VPS41: variants seen among roughly 807,000 people sequenced by gnomAD.
VPS41 encodes the protein VPS41 subunit of HOPS complex.
VPS41 carries 85 observed loss-of-function variants against 130.9 expected under a neutral mutation model. That is an observed-to-expected ratio of 0.65 (90% CI 0.55 to 0.78). The LOEUF is 0.78. VPS41 is among the 30% of genes least tolerant of loss of function. The pLI is 0.00. For synonymous variants in VPS41, 335 were observed against 332.9 expected (o/e 1.01, Z -0.07); for missense variants, 874 against 1,018.7 (o/e 0.86, Z 1.93).
chr7:38,899,423 T>A (rs1787093532), intron 1 of VPS41, among the ~76,000 whole-genome samples: 1 of 152,216 alleles, frequency 6.6e-6, no homozygotes, highest in African/African-American at 2.4e-5. Context: ...ATGATAGCTG[T>A]CCAGAGAGTT....
At chr7:38,781,788 T>C (rs1784358198) in intron 10 of VPS41, among the ~76,000 whole-genome samples, 1 of 152,234 alleles carries the variant, frequency 6.6e-6, no homozygotes, top group South Asian at 2.1e-4. Context: ...TAATTCTTCC[T>C]GAAGCCTGTC....
chr7:38,795,739 C>A (rs1784606588), intron 8 of VPS41, 128 bp from the exon 9 acceptor site: 3 of 790,298 alleles, frequency 3.8e-6, no homozygotes, highest in Middle Eastern at 3.0e-4. Context: ...ACTGAGCATG[C>A]AAGGAAAATG....
In VPS41 at chr7:38,838,044, C is replaced by A. The variant is rs17171470; in HGVS notation, c.247-7716G>T. Among the ~76,000 whole-genome samples the A allele has an allele frequency of 5.6e-3, 850 of 152,172 alleles. 11 individuals carry two copies. Among genetic ancestry groups the A allele is most frequent in the African/African-American group, 0.019 (807 of 41,510 alleles). ...CTGAGTATCATCACTATGCACATTCCATTTCCATAACAGTTCCATAACATT... is the reference window on the plus strand; with the variant it reads ...CTGAGTATCATCACTATGCACATTCAATTTCCATAACAGTTCCATAACATT... On this transcript the variant is annotated intron_variant, in intron 4 of 28. Transcript: ENST00000310301.
chr7:38,754,725 C>T lies in VPS41; in HGVS notation c.1765G>A (p.Asp589Asn), dbSNP rs1217812028. 3 of 1,613,482 alleles carry T rather than the reference C, an allele frequency of 1.9e-6. No individual in the cohort carries two copies. In the Admixed American group the frequency reaches 5.0e-5, roughly 27 times the overall value. Residue 589 changes from aspartate to asparagine, a missense_variant, in exon 21 of 29, where the codon GAC becomes AAC. Physicochemically the swap from Asp to Asn is conservative, Grantham distance 23. Transcript: ENST00000310301. Reference protein sequence around the residue: ...SIKKVVEELEDRPELQHVYLH... With the variant: ...SIKKVVEELENRPELQHVYLH... ...ACCACATGCTGTAGCTCTGGTCTGT[C>T]TTCCAATTCTTCCACTACCTTTTTA...
intron 7 of VPS41, among the ~76,000 whole-genome samples, chr7:38,801,193 C>A (rs754537218): frequency 1.3e-5 from 2 of 152,168 alleles, no homozygotes; most frequent in Non-Finnish European, 2.9e-5. Flanking sequence ...TCCAGGCCAT[C>A]TCAGGATTGA....
chr7:38,789,767 T>G (rs1318717167), intron 10 of VPS41, 34 bp downstream of exon 10: 2 of 1,611,042 alleles, frequency 1.2e-6, no homozygotes, highest in Admixed American at 1.7e-5. Context: ...GAATGAAGTT[T>G]TACATCCACA....
intron 17 of VPS41, among the ~76,000 whole-genome samples, chr7:38,758,719 G>A (rs900424509): frequency 1.3e-5 from 2 of 152,112 alleles, no homozygotes; most frequent in African/African-American, 4.8e-5. Context: ...TTAAAGGGTT[G>A]GAACTTTTCA....
chr7:38,897,067 G>A (rs764161725), intron 2 of VPS41, among the ~76,000 whole-genome samples: 1 of 151,586 alleles, frequency 6.6e-6, no homozygotes, highest in Non-Finnish European at 1.5e-5. Context: ...GGTGGTGGGC[G>A]CCTGTAATCC....
At chr7:38,740,619 T>A (rs1422449302) in intron 25 of VPS41, among the ~76,000 whole-genome samples, 1 of 152,194 alleles carries the variant, frequency 6.6e-6, no homozygotes, top group African/African-American at 2.4e-5. Flanking sequence ...GTAATCTACT[T>A]CTTTGGCTTA....
intron 22 of VPS41, among the ~76,000 whole-genome samples, chr7:38,746,606 A>G (rs1427980196): frequency 6.6e-6 from 1 of 152,112 alleles, no homozygotes; most frequent in Non-Finnish European, 1.5e-5. Context: ...TCCTCTTGTG[A>G]GAAGCTTCAA....
At chr7:38,794,708 A>G (rs977028284) in intron 9 of VPS41, among the ~76,000 whole-genome samples, 2 of 152,216 alleles carry the variant, frequency 1.3e-5, no homozygotes, top group Admixed American at 6.5e-5. Flanking sequence ...TCTGGCCTCA[A>G]AGCCTGAGCT....
intron 2 of VPS41, among the ~76,000 whole-genome samples, chr7:38,870,738 TCAAAAAAAAAA>T (rs1289590243): frequency 7.4e-4 from 51 of 68,498 alleles, no homozygotes; most frequent in African/African-American, 5.1e-3. Flanking sequence ...GACTATATGT[TCAAAAAAAAAA>T]AAAAAAAAAA....
intron 17 of VPS41, among the ~76,000 whole-genome samples, chr7:38,763,192 C>G (rs1783958305): frequency 6.6e-6 from 1 of 152,074 alleles, no homozygotes; most frequent in Non-Finnish European, 1.5e-5. Flanking sequence ...TTTATGAAAT[C>G]TACAAAATAG....
chr7:38,856,370 C>T (rs1489229378), intron 4 of VPS41, among the ~76,000 whole-genome samples: 1 of 152,024 alleles, frequency 6.6e-6, no homozygotes, highest in Non-Finnish European at 1.5e-5. Flanking sequence ...GGGTTAGGAC[C>T]TCAACATATG....
intron 14 of VPS41, among the ~76,000 whole-genome samples, chr7:38,770,334 T>C (rs573149935): frequency 2.0e-5 from 3 of 151,550 alleles, no homozygotes; most frequent in Non-Finnish European, 2.9e-5. Context: ...GGCACCTCTC[T>C]GCCTCTTCAC....
At chr7:38,861,452 G>A (rs952044239) in intron 4 of VPS41, among the ~76,000 whole-genome samples, 1 of 152,170 alleles carries the variant, frequency 6.6e-6, no homozygotes, top group Non-Finnish European at 1.5e-5. Flanking sequence ...GTAGAAGAGG[G>A]AAGGTCAAAA....
In VPS41 at chr7:38,758,462, C is replaced by T. The variant is rs776961087; in HGVS notation, c.1442G>A (p.Arg481Gln). Residue 481 changes from arginine (R) to glutamine (Q), a missense_variant, in exon 18 of 29, where the codon CGA becomes CAA. By Grantham distance (43) the Arg-to-Gln change is conservative. Coordinates refer to ENST00000310301, the MANE Select transcript of VPS41 (RefSeq NM_014396.4). ...ATTATACAGATCTCCAGGCCATTCT[C>T]GGATCAATGTGGCAAAACCCTAACC... ...SDYEGFATLIREWPGDLYNNS... is the reference protein window; with the variant it reads ...SDYEGFATLIQEWPGDLYNNS... The T allele has an allele frequency of 3.7e-6, 6 of 1,612,428 alleles. No homozygotes were observed. The highest frequency in any genetic ancestry group is 4.5e-5 in the East Asian group (2 of 44,818).
At chr7:38,882,270 G>C (rs985381208) in intron 2 of VPS41, among the ~76,000 whole-genome samples, 14 of 152,156 alleles carry the variant, frequency 9.2e-5, no homozygotes, top group Non-Finnish European at 1.9e-4. Flanking sequence ...TTCATCCAGA[G>C]ACGGGATCCT....
intron 1 of VPS41, among the ~76,000 whole-genome samples, chr7:38,906,686 C>T (rs1787275338): frequency 6.6e-6 from 1 of 152,044 alleles, no homozygotes; most frequent in Non-Finnish European, 1.5e-5. Flanking sequence ...AGGAGAATGC[C>T]CACTCCAACT....
Sources: gnomAD v4.1 joint callset for allele counts (sites outside exome capture counted in the v4.1 genomes callset) on GRCh38, gnomAD v4.1.1 for gene constraint, MANE v1.5 for transcripts, NCBI Gene and HGNC (gene_info 2026-07-23, HGNC 2026-07-21) for gene names.